The following CCDC73 variants were observed in gnomAD, a reference collection of about 807,000 sequenced individuals.
The protein encoded by CCDC73 is coiled-coil domain containing 73.
CCDC73 carries 95 observed loss-of-function variants against 116.5 expected under a neutral mutation model. The observed-to-expected ratio is 0.82, with a 90% CI of 0.69 to 0.97. The LOEUF is 0.97. Among genes scored for constraint, CCDC73 ranks in the 50% least tolerant of loss-of-function variants. The probability of loss-of-function intolerance (pLI) is 0.00; values close to 1 mark genes in which losing one functional copy is unlikely to be tolerated. For missense variants in CCDC73, 1,066 were observed against 1,206.8 expected, an observed-to-expected ratio of 0.88 and a Z score of 1.73; for synonymous variants, 398 against 401.3, an observed-to-expected ratio of 0.99 and a Z score of 0.10.
chr11:32,814,622 T>C, the CCDC73 span, among the ~76,000 whole-genome samples: 1 of 152,132 alleles, frequency 6.6e-6, no homozygotes, highest in Non-Finnish European at 1.5e-5. Flanking sequence ...AGCATGGCAG[T>C]TCCATAAAAA....
intron 2 of CCDC73, among the ~76,000 whole-genome samples, chr11:32,734,425 CTTTTTTTTT>C (rs34093038): frequency 7.6e-6 from 1 of 131,368 alleles, no homozygotes; most frequent in African/African-American, 2.7e-5. Context: ...ATTTTTTTTT[CTTTTTTTTT>C]TTTTTTTTTA....
At chr11:32,771,361 C>G (rs1850491219) in intron 1 of CCDC73, among the ~76,000 whole-genome samples, 1 of 152,154 alleles carries the variant, frequency 6.6e-6, no homozygotes, top group South Asian at 2.1e-4. Flanking sequence ...AAACAATGTA[C>G]TAGGGGACCA....
intron 1 of CCDC73, among the ~76,000 whole-genome samples, chr11:32,765,521 T>C (rs1283979900): frequency 4.6e-5 from 7 of 152,218 alleles, no homozygotes; most frequent in African/African-American, 1.7e-4. Flanking sequence ...CTACTGGGTC[T>C]ATAACAAAAT....
chr11:32,734,432 T>C (rs933476207), intron 2 of CCDC73, among the ~76,000 whole-genome samples: 7 of 151,346 alleles, frequency 4.6e-5, no homozygotes, highest in African/African-American at 9.7e-5. Flanking sequence ...TTTCTTTTTT[T>C]TTTTTTTTTT....
At chr11:32,627,920 T>C (rs962167667) in intron 14 of CCDC73, among the ~76,000 whole-genome samples, 2 of 152,074 alleles carry the variant, frequency 1.3e-5, no homozygotes, top group African/African-American at 2.4e-5. Context: ...TGTATACATA[T>C]GTAACAAATC....
the CCDC73 span, among the ~76,000 whole-genome samples, chr11:32,802,876 C>T: frequency 2.0e-5 from 3 of 151,552 alleles, no homozygotes; most frequent in Non-Finnish European, 4.4e-5. Context: ...CCTCAGCCTC[C>T]CACGTAGCTG....
At chr11:32,830,367 G>A in the CCDC73 span, 1 of 857,226 alleles carries the variant, frequency 1.2e-6, no homozygotes, top group Non-Finnish European at 1.6e-6. Flanking sequence ...GCGCGCGTCG[G>A]GTTCCGGCGA....
At position 32,748,827 on chromosome 11, in the gene CCDC73, C is replaced by G. The variant is rs156162; in HGVS notation, c.135+11282G>C. Reference sequence around the variant, plus strand: ...TTGAAGGATATTTTCACTGTACATACTATTCTAGGGTAAAACCTTTTTTCC... The same window carrying G: ...TTGAAGGATATTTTCACTGTACATAGTATTCTAGGGTAAAACCTTTTTTCC... On this transcript the variant is annotated intron_variant, in intron 2 of 17. Coordinates refer to ENST00000335185, the MANE Select transcript of CCDC73 (RefSeq NM_001008391.4). Among the ~76,000 whole-genome samples the G allele has an allele frequency of 6.6e-3, 1,007 of 152,304 alleles. 15 individuals are homozygous for G. The highest frequency in any genetic ancestry group is 0.023 in the African/African-American group (954 of 41,566).
At chr11:32,622,005 GA>G (rs1455786032) in intron 14 of CCDC73, among the ~76,000 whole-genome samples, 1 of 152,146 alleles carries the variant, frequency 6.6e-6, no homozygotes, top group Non-Finnish European at 1.5e-5. Context: ...AAGAAGTCAA[GA>G]AACAACAGAT....
chr11:32,829,698 G>A, the CCDC73 span: 2 of 861,552 alleles, frequency 2.3e-6, no homozygotes, highest in South Asian at 5.3e-5. Context: ...TGAGAACGCC[G>A]AGTGCAGACA....
At chr11:32,674,069 A>T (rs955431086) in intron 9 of CCDC73, among the ~76,000 whole-genome samples, 1 of 152,198 alleles carries the variant, frequency 6.6e-6, no homozygotes, top group Non-Finnish European at 1.5e-5. Context: ...GCCCAGCTCA[A>T]CAGGAAGTCA....
rs556614806 is a variant in CCDC73, at chr11:32,650,964, G to C, written c.939+2159C>G. Among the ~76,000 whole-genome samples, 7 of 152,090 alleles carry C rather than the reference G, an allele frequency of 4.6e-5. 1 individual carries two copies. In the South Asian group the frequency reaches 1.5e-3, roughly 32 times the overall value. On this transcript the variant is annotated intron_variant, in intron 12 of 17. Coordinates refer to ENST00000335185, the MANE Select transcript of CCDC73 (RefSeq NM_001008391.4). ...CCTCCCTCTCTTTCAATTTGTCATGGTGCTTTTTATTTTCTATTTAATATC... is the reference window on the plus strand; with the variant it reads ...CCTCCCTCTCTTTCAATTTGTCATGCTGCTTTTTATTTTCTATTTAATATC...
At chr11:32,766,570 G>A (rs987067596) in intron 1 of CCDC73, among the ~76,000 whole-genome samples, 1 of 152,190 alleles carries the variant, frequency 6.6e-6, no homozygotes, top group East Asian at 1.9e-4. Flanking sequence ...CATCGTCTCA[G>A]CCCAAAATCT....
intron 14 of CCDC73, among the ~76,000 whole-genome samples, chr11:32,628,348 A>C (rs542163988): frequency 2.0e-5 from 3 of 152,304 alleles, no homozygotes; most frequent in East Asian, 3.9e-4. Context: ...AACTGGCTGT[A>C]ATTTGTGAGG....
At chr11:32,652,268 C>T (rs190884683) in intron 12 of CCDC73, among the ~76,000 whole-genome samples, 1 of 150,862 alleles carries the variant, frequency 6.6e-6, no homozygotes, top group African/African-American at 2.4e-5. Flanking sequence ...CATGCCACTG[C>T]ACTCCAGCCT....
intron 2 of CCDC73, among the ~76,000 whole-genome samples, chr11:32,726,357 A>G (rs1229683208): frequency 6.6e-6 from 1 of 152,218 alleles, no homozygotes; most frequent in Non-Finnish European, 1.5e-5. Flanking sequence ...TGAAAATTAT[A>G]AAAGACAAAC....
At chr11:32,747,528 C>T (rs923998135) in intron 2 of CCDC73, among the ~76,000 whole-genome samples, 39 of 152,196 alleles carry the variant, frequency 2.6e-4, no homozygotes, top group African/African-American at 9.2e-4. Context: ...ATATGCCCTG[C>T]CACCAGAGGT....
At chr11:32,795,400 G>A (rs1850716840), upstream of CCDC73, among the ~76,000 whole-genome samples, 1 of 151,776 alleles carries the variant, frequency 6.6e-6, no homozygotes, top group Non-Finnish European at 1.5e-5. Context: ...GAGCCTGGGA[G>A]GTCAAGGCTG....
chr11:32,606,283 T>C (rs1007750461), intron 17 of CCDC73: 6 of 152,278 alleles, frequency 3.9e-5, no homozygotes, highest in Non-Finnish European at 7.3e-5. Context: ...AAAATTCATT[T>C]ATAACAGAGG....
Sources: gnomAD v4.1 joint callset for allele counts (sites outside exome capture counted in the v4.1 genomes callset) on GRCh38, gnomAD v4.1.1 for gene constraint, MANE v1.5 for transcripts, NCBI Gene and HGNC (gene_info 2026-07-23, HGNC 2026-07-21) for gene names.